Variants in MACROD2 observed in about 807,000 individuals in gnomAD.
MACROD2 encodes mono-ADP ribosylhydrolase 2.
MACROD2 carries 36 observed loss-of-function variants against 70.4 expected under a neutral mutation model. That is an observed-to-expected ratio of 0.51 (90% CI 0.39 to 0.68). The LOEUF is 0.68. Among genes scored for constraint, MACROD2 ranks in the 30% least tolerant of loss-of-function variants. The pLI, the probability that MACROD2 is intolerant of heterozygous loss-of-function variation, is 0.00. For missense variants in MACROD2, 496 were observed against 538.4 expected (o/e 0.92, Z 0.78); for synonymous variants, 172 against 178.8 (o/e 0.96, Z 0.30).
At chr20:15,530,765 A>G (rs987424317) in intron 8 of MACROD2, among the ~76,000 whole-genome samples, 30 of 151,442 alleles carry the variant, frequency 2.0e-4, no homozygotes, top group Non-Finnish European at 2.2e-4. Context: ...CTTTCCATGT[A>G]CGCGTATAAT....
chr20:14,506,822 G>A (rs933264257), intron 4 of MACROD2, among the ~76,000 whole-genome samples: 11 of 152,076 alleles, frequency 7.2e-5, no homozygotes, highest in South Asian at 2.1e-4. Context: ...GTGGTGGCAC[G>A]TGCCTGCAGT....
chr20:15,353,133 T>C (rs1408382470), intron 6 of MACROD2, among the ~76,000 whole-genome samples: 7 of 150,874 alleles, frequency 4.6e-5, no homozygotes, highest in Admixed American at 2.6e-4. Context: ...CAAAACAGCA[T>C]GGTACTGGTA....
intron 5 of MACROD2, among the ~76,000 whole-genome samples, chr20:15,166,461 C>T (rs1302448886): frequency 1.3e-5 from 2 of 152,144 alleles, no homozygotes; most frequent in African/African-American, 4.8e-5. Flanking sequence ...GCATCTTAAT[C>T]TCTTCCAGCC....
chr20:15,732,337 A>T (rs1200526303), intron 8 of MACROD2, among the ~76,000 whole-genome samples: 1 of 152,190 alleles, frequency 6.6e-6, no homozygotes, highest in African/African-American at 2.4e-5. Context: ...CAGTACCTGC[A>T]GGTCACAGAG....
rs190297593 is a variant in MACROD2 at position 14,793,121 on chromosome 20, A to G, written c.418+108162A>G. 6.6e-4 allele frequency among the ~76,000 whole-genome samples: 101 copies of G among 151,958 alleles called. 2 individuals carry two copies. Among genetic ancestry groups the G allele is most frequent in the African/African-American group, 2.2e-3 (91 of 41,434 alleles). ...TGGAGTACTAAAGACATGGGTTACAATTTTTCCTTAGTCATTTATTAACCA... is the reference window on the plus strand; with the variant it reads ...TGGAGTACTAAAGACATGGGTTACAGTTTTTCCTTAGTCATTTATTAACCA... On this transcript the variant is annotated intron_variant, in intron 5 of 17. Transcript: ENST00000684519.
chr20:14,771,998 A>G (rs139422509), intron 5 of MACROD2, among the ~76,000 whole-genome samples: 2 of 152,168 alleles, frequency 1.3e-5, no homozygotes, highest in East Asian at 1.9e-4. Context: ...TGTAATGTCA[A>G]AGTTCAAAAA....
At chr20:14,128,564 T>C (rs754305573) in intron 3 of MACROD2, among the ~76,000 whole-genome samples, 5 of 152,156 alleles carry the variant, frequency 3.3e-5, no homozygotes, top group Admixed American at 6.5e-5. Flanking sequence ...GGTAAGATAA[T>C]TGATGAAGGT....
Position 14,567,665 on chromosome 20 carries a change from T to C in MACROD2, c.301+74157T>C, listed in dbSNP as rs1023855626. Among the ~76,000 whole-genome samples the C allele has an allele frequency of 9.9e-5, 15 of 152,206 alleles. No individual in the cohort carries two copies. The East Asian group carries it at 2.9e-3, about 29-fold the overall frequency. ...TTGGCTCCTCCTTTAAAGTGTATTG[T>C]CAGCTGACTGACAATTTTTGAAAGC... On this transcript the variant is annotated intron_variant, in intron 4 of 17. Transcript: ENST00000684519.
chr20:15,228,215 C>T (rs1208324689), intron 5 of MACROD2, among the ~76,000 whole-genome samples: 1 of 151,968 alleles, frequency 6.6e-6, no homozygotes, highest in Non-Finnish European at 1.5e-5. Context: ...CACCTCAAGC[C>T]CATTTATCCT....
intron 4 of MACROD2, among the ~76,000 whole-genome samples, chr20:14,584,070 A>C (rs1324385582): frequency 1.3e-5 from 2 of 152,050 alleles, no homozygotes; most frequent in African/African-American, 4.8e-5. Flanking sequence ...TCACCTTTTA[A>C]CTATGCCCAT....
intron 8 of MACROD2, among the ~76,000 whole-genome samples, chr20:15,668,304 C>G (rs1382398795): frequency 1.3e-5 from 2 of 150,770 alleles, no homozygotes; most frequent in Non-Finnish European, 2.9e-5. Flanking sequence ...TGGCTCATAC[C>G]TGTAATCAAT....
chr20:14,640,052 C>G (rs181959670), intron 4 of MACROD2, among the ~76,000 whole-genome samples: 1 of 152,178 alleles, frequency 6.6e-6, no homozygotes, highest in East Asian at 1.9e-4. Context: ...TACCTGTGGA[C>G]CCCTTTCCAG....
At chr20:14,486,515 TTTTATTTTA>T (rs925187249) in intron 3 of MACROD2, among the ~76,000 whole-genome samples, 15 of 137,640 alleles carry the variant, frequency 1.1e-4, no homozygotes, top group Non-Finnish European at 2.2e-4. Context: ...ATAGCCAACT[TTTTATTTTA>T]TTTTTTTTTT....
At position 14,624,588 on chromosome 20, in the gene MACROD2, C is replaced by T. The variant is rs926152407; in HGVS notation, c.302-60255C>T. Among the ~76,000 whole-genome samples the T allele has an allele frequency of 7.2e-5, 11 of 152,286 alleles. 1 individual carries two copies. Among genetic ancestry groups the T allele is most frequent in the African/African-American group, 2.6e-4 (11 of 41,554 alleles). On this transcript the variant is annotated intron_variant, in intron 4 of 17. Transcript: ENST00000684519. ...TTTGGAAAAATAACTTTAGTGTGTG[C>T]TACTGGGTGTTGGTAGTATGAAGCA...
chr20:14,881,784 C>A (rs1027037350), intron 5 of MACROD2, among the ~76,000 whole-genome samples: 2 of 152,070 alleles, frequency 1.3e-5, no homozygotes, highest in Non-Finnish European at 2.9e-5. Flanking sequence ...AGAACCAGGG[C>A]CCTCTAAGTC....
chr20:15,484,565 T>C (rs1183689772), intron 7 of MACROD2, among the ~76,000 whole-genome samples: 2 of 152,216 alleles, frequency 1.3e-5, no homozygotes, highest in African/African-American at 4.8e-5. Context: ...CCCAATAGTT[T>C]AGGCTCAGGT....
intron 3 of MACROD2, among the ~76,000 whole-genome samples, chr20:14,140,146 G>C (rs2054850789): frequency 1.3e-5 from 2 of 151,634 alleles, no homozygotes; most frequent in African/African-American, 4.9e-5. Context: ...AAAATATTAA[G>C]TTTGGTGGGA....
intron 8 of MACROD2, among the ~76,000 whole-genome samples, chr20:15,647,597 A>T (rs2049567466): frequency 6.6e-6 from 1 of 152,232 alleles, no homozygotes; most frequent in Non-Finnish European, 1.5e-5. Context: ...ATAGCATACA[A>T]ATGCAATAAC....
intron 2 of MACROD2, among the ~76,000 whole-genome samples, chr20:14,009,831 G>A (rs2052876024): frequency 6.6e-6 from 1 of 152,168 alleles, no homozygotes; most frequent in East Asian, 1.9e-4. Flanking sequence ...GACCCGGATG[G>A]AGCTGGAAGC....
Sources: allele counts gnomAD v4.1 joint callset (sites outside exome capture counted in the v4.1 genomes callset), GRCh38; gene constraint gnomAD v4.1.1; transcripts MANE v1.5; gene names NCBI Gene and HGNC (gene_info 2026-07-23, HGNC 2026-07-21).